Variants in FCHSD2 observed in about 807,000 individuals in gnomAD.
The protein encoded by FCHSD2 is FCH and double SH3 domains 2, also known as F-BAR and double SH3 domains protein 2.
A neutral mutation model predicts 108.1 loss-of-function variants in FCHSD2; 38 were observed. The observed-to-expected ratio is 0.35, with a 90% CI of 0.27 to 0.46. The LOEUF (loss-of-function observed/expected upper bound fraction) is 0.46. Among genes scored for constraint, FCHSD2 ranks in the 20% least tolerant of loss-of-function variants. The pLI is 1.00. For missense variants in FCHSD2, 751 were observed against 897.8 expected (o/e 0.84, Z 2.09); for synonymous variants, 279 against 314.7 (o/e 0.89, Z 1.20).
chr11:72,884,141 T>C (rs1304616684), intron 12 of FCHSD2, among the ~76,000 whole-genome samples: 1 of 152,146 alleles, frequency 6.6e-6, no homozygotes, highest in Non-Finnish European at 1.5e-5. Context: ...TATGATTCTT[T>C]ATGTGATGAA....
intron 4 of FCHSD2, among the ~76,000 whole-genome samples, chr11:73,011,422 G>A (rs183666875): frequency 3.9e-5 from 6 of 152,268 alleles, no homozygotes; most frequent in Admixed American, 2.0e-4. Flanking sequence ...AGCACCACTC[G>A]CTCCCCAGCA....
intron 9 of FCHSD2, among the ~76,000 whole-genome samples, chr11:72,909,873 C>A (rs1444910572): frequency 6.8e-6 from 1 of 147,606 alleles, no homozygotes; most frequent in Non-Finnish European, 1.5e-5. Context: ...TGCCTCTGCC[C>A]GGCAGCCGCC....
At chr11:72,848,701 A>G (rs971539085) in intron 14 of FCHSD2, among the ~76,000 whole-genome samples, 9 of 152,210 alleles carry the variant, frequency 5.9e-5, no homozygotes, top group South Asian at 2.1e-4. Flanking sequence ...TGCCTGGGAT[A>G]TGCCAACAGA....
At chr11:72,891,647 T>G (rs1855317368) in intron 10 of FCHSD2, among the ~76,000 whole-genome samples, 1 of 152,232 alleles carries the variant, frequency 6.6e-6, no homozygotes, top group South Asian at 2.1e-4. Context: ...TCTGTAAAAG[T>G]AGAAAGATAA....
intron 2 of FCHSD2, among the ~76,000 whole-genome samples, chr11:73,122,961 T>G (rs1377730556): frequency 6.6e-6 from 1 of 152,188 alleles, no homozygotes; most frequent in Non-Finnish European, 1.5e-5. Flanking sequence ...ACATAGTTTA[T>G]CTTAATCATT....
intron 8 of FCHSD2, among the ~76,000 whole-genome samples, chr11:72,933,342 C>T (rs550085316): frequency 2.6e-5 from 4 of 152,308 alleles, no homozygotes; most frequent in African/African-American, 9.6e-5. Flanking sequence ...AAGAATTAAA[C>T]CAACTCACAG....
At chr11:72,883,618 T>C (rs927308534) in intron 12 of FCHSD2, among the ~76,000 whole-genome samples, 4 of 152,202 alleles carry the variant, frequency 2.6e-5, no homozygotes, top group Non-Finnish European at 4.4e-5. Flanking sequence ...ATTACACACA[T>C]ACTCAAATGG....
chr11:73,113,609 C>T (rs1362026958), intron 2 of FCHSD2, among the ~76,000 whole-genome samples: 1 of 152,030 alleles, frequency 6.6e-6, no homozygotes, highest in Non-Finnish European at 1.5e-5. Context: ...GGATATTTGT[C>T]GGTGTCCAGG....
At chr11:72,919,688 A>G (rs1400436889) in intron 9 of FCHSD2, among the ~76,000 whole-genome samples, 3 of 152,186 alleles carry the variant, frequency 2.0e-5, no homozygotes, top group African/African-American at 4.8e-5. Flanking sequence ...AACTAAGGGT[A>G]GTGTCTCCAG....
intron 3 of FCHSD2, among the ~76,000 whole-genome samples, chr11:73,062,423 T>C (rs1274719945): frequency 6.6e-6 from 1 of 151,994 alleles, no homozygotes; most frequent in East Asian, 1.9e-4. Context: ...GGAACAAAAC[T>C]GGATGGAGAA....
intron 3 of FCHSD2, among the ~76,000 whole-genome samples, chr11:73,081,701 T>C (rs1859690858): frequency 6.6e-6 from 1 of 152,016 alleles, no homozygotes; most frequent in African/African-American, 2.4e-5. Flanking sequence ...TAAAATAGCG[T>C]ATCACAGACT....
chr11:72,838,483 C>A lies in FCHSD2; in HGVS notation c.*308G>T. ...TTAGGGACTGTGCCCTGGAATGAGG[C>A]CTGTTCTTGAGTCTCATATAAAAAC... On this transcript the variant is annotated 3_prime_UTR_variant, in exon 20 of 20. Transcript: ENST00000409418. 1 of 412,884 alleles carries A rather than the reference C, an allele frequency of 2.4e-6. No homozygotes were observed. Among genetic ancestry groups the A allele is most frequent in the Non-Finnish European group, 4.5e-6 (1 of 221,812 alleles). 25.6% of individuals were successfully genotyped at this position (412,884 alleles called of 1,614,324 possible). A position where few individuals can be genotyped will look rare whatever the true frequency, so the allele number is the denominator to read the frequency against.
chr11:73,084,677 G>A (rs1169635654), intron 2 of FCHSD2, among the ~76,000 whole-genome samples: 1 of 152,138 alleles, frequency 6.6e-6, no homozygotes, highest in Non-Finnish European at 1.5e-5. Context: ...TACTGGCATG[G>A]GCCAACGTGC....
At chr11:73,125,230 A>G (rs1469282876) in intron 2 of FCHSD2, among the ~76,000 whole-genome samples, 1 of 152,268 alleles carries the variant, frequency 6.6e-6, no homozygotes, top group African/African-American at 2.4e-5. Context: ...ATTAGTAAAT[A>G]TAAGACTTTT....
At chr11:72,930,373 C>A (rs1406631783) in intron 8 of FCHSD2, among the ~76,000 whole-genome samples, 1 of 152,198 alleles carries the variant, frequency 6.6e-6, no homozygotes, top group African/African-American at 2.4e-5. Context: ...CTGAAGATCA[C>A]CCAATCTGTC....
At chr11:73,057,556 G>C (rs1859056331) in intron 3 of FCHSD2, among the ~76,000 whole-genome samples, 1 of 152,032 alleles carries the variant, frequency 6.6e-6, no homozygotes, top group African/African-American at 2.4e-5. Context: ...AGGGAGGGAG[G>C]GAGGAGAAAA....
chr11:73,050,179 T>C (rs1009100953), intron 3 of FCHSD2, among the ~76,000 whole-genome samples: 1 of 152,106 alleles, frequency 6.6e-6, no homozygotes, highest in South Asian at 2.1e-4. Context: ...TGTAAACAAA[T>C]AGGTATGTCC....
At chr11:73,051,907 A>C (rs972832690) in intron 3 of FCHSD2, among the ~76,000 whole-genome samples, 56 of 137,414 alleles carry the variant, frequency 4.1e-4, no homozygotes, top group African/African-American at 1.5e-3. Flanking sequence ...ACACACACAC[A>C]CACACACACC....
chr11:73,122,088 A>G (rs1591571721), intron 2 of FCHSD2, among the ~76,000 whole-genome samples: 1 of 152,290 alleles, frequency 6.6e-6, no homozygotes, highest in East Asian at 1.9e-4. Context: ...ACCAAGTAAG[A>G]AACAGTTATC....
Sources: allele counts gnomAD v4.1 joint callset (sites outside exome capture counted in the v4.1 genomes callset), GRCh38; gene constraint gnomAD v4.1.1; transcripts MANE v1.5; gene names NCBI Gene and HGNC (gene_info 2026-07-23, HGNC 2026-07-21).